The following ZNF197 variants were observed in gnomAD, a reference collection of about 807,000 sequenced individuals.
ZNF197 encodes the protein zinc finger protein 197.
ZNF197 carries 14 observed loss-of-function variants against 27.4 expected under a neutral mutation model. The observed-to-expected ratio is 0.51, with a 90% CI of 0.34 to 0.80. The LOEUF is 0.80. Ranked by LOEUF, ZNF197 falls within the 30% of genes least tolerant of loss-of-function variation. The probability of loss-of-function intolerance (pLI) is 0.02; values close to 1 mark genes in which losing one functional copy is unlikely to be tolerated. For synonymous variants in ZNF197, 415 were observed against 420.0 expected, an observed-to-expected ratio of 0.99 and a Z score of 0.15; for missense variants, 1,090 against 1,222.6, an observed-to-expected ratio of 0.89 and a Z score of 1.62.
Position 44,643,306 on chromosome 3 carries a change from A to G in ZNF197, c.2176A>G (p.Lys726Glu), listed in dbSNP as rs760076023. 9 of 1,613,738 alleles carry G rather than the reference A, an allele frequency of 5.6e-6. No individual in the cohort carries two copies. Among genetic ancestry groups the G allele is most frequent in the Non-Finnish European group, 7.6e-6 (9 of 1,179,956 alleles). ...IMSKSFMVHQ[K>E]LHTQEKAYKC... Reference sequence around the variant, plus strand: ...GAGCAAAAGTTTTATGGTCCATCAGAAACTCCATACACAAGAGAAAGCCTA... The same window carrying G: ...GAGCAAAAGTTTTATGGTCCATCAGGAACTCCATACACAAGAGAAAGCCTA... The change falls in exon 6 of 6, where the codon AAA becomes GAA. Residue 726 changes from lysine (K) to glutamate (E), a missense_variant. By Grantham distance (56) the Lys-to-Glu change is moderately conservative. Transcript: ENST00000344387.
chr3:44,631,939 G>A (rs753598077), intron 3 of ZNF197, among the ~76,000 whole-genome samples, 166 bp from the exon 4 acceptor site: 3 of 152,000 alleles, frequency 2.0e-5, no homozygotes, highest in African/African-American at 7.3e-5. Context: ...TTGACCTTGG[G>A]AGCCACCCAC....
intron 1 of ZNF197, among the ~76,000 whole-genome samples, chr3:44,627,946 G>GT (rs1406356681): frequency 4.6e-5 from 7 of 151,620 alleles, no homozygotes; most frequent in African/African-American, 1.7e-4. Flanking sequence ...TGGCTCCCCT[G>GT]TTTGTTATAA....
chr3:44,628,569 A>G (rs1008183803), intron 1 of ZNF197, among the ~76,000 whole-genome samples: 2 of 152,234 alleles, frequency 1.3e-5, no homozygotes, highest in Non-Finnish European at 2.9e-5. Context: ...ACTCTGCGGA[A>G]CATAGGAAAG....
intron 4 of ZNF197, 26 bp from the exon 5 acceptor site, chr3:44,632,447 A>C (rs759705540): frequency 6.4e-7 from 1 of 1,561,434 alleles, no homozygotes. Flanking sequence ...GGGCATTGGT[A>C]ATCTCACACA....
intron 1 of ZNF197, 137 bp downstream of exon 1, chr3:44,625,280 C>T (rs1701578865): frequency 1.3e-5 from 2 of 152,360 alleles, no homozygotes; most frequent in Non-Finnish European, 1.5e-5. Context: ...TCGCCAGCTT[C>T]GTGTTGGGGT....
Position 44,643,294 on chromosome 3 carries a change from A to G in ZNF197, c.2164A>G (p.Met722Val). The G allele has an allele frequency of 1.2e-6, 2 of 1,613,956 alleles. No homozygotes were observed. The highest frequency in any genetic ancestry group is 2.2e-5 in the South Asian group (2 of 91,014). ...AACCTTTATTATGAGCAAAAGTTTT[A>G]TGGTCCATCAGAAACTCCATACACA... Reference protein sequence around the residue: ...GKTFIMSKSFMVHQKLHTQEK... With the variant: ...GKTFIMSKSFVVHQKLHTQEK... The change falls in exon 6 of 6, where the codon ATG becomes GTG. Residue 722 changes from methionine to valine, a missense_variant. Coordinates refer to ENST00000344387, the MANE Select transcript of ZNF197 (RefSeq NM_006991.5).
Position 44,632,518 on chromosome 3 carries a change from G to A in ZNF197, c.688G>A (p.Glu230Lys). The A allele has an allele frequency of 3.1e-6, 5 of 1,609,774 alleles. No homozygotes were observed. The highest frequency in any genetic ancestry group is 3.4e-6 in the Non-Finnish European group (4 of 1,178,450). The change falls in exon 5 of 6, where the codon GAA (glutamate) becomes AAA (lysine). Residue 230 changes from glutamate (E) to lysine (K), a missense_variant. By Grantham distance (56) the Glu-to-Lys change is moderately conservative (BLOSUM62 1). Coordinates refer to ENST00000344387, the MANE Select transcript of ZNF197 (RefSeq NM_006991.5). ...GGTGTCAGTATGCTTCACTTCAGAG[G>A]AATGGGCATGTCTGGGCCCAATCCA... ...EEVSVCFTSE[E>K]WACLGPIQRA...
chr3:44,632,642 G>T, intron 5 of ZNF197, 43 bp downstream of exon 5: 1 of 1,411,514 alleles, frequency 7.1e-7, no homozygotes, highest in Non-Finnish European at 9.3e-7. Context: ...TATTTCACCA[G>T]CCTTTATTTG....
In ZNF197 at chr3:44,625,085, C is replaced by T. The variant is rs1701561862; in HGVS notation, c.-140C>T. ...GAAGGGCTCGTTCCTGTGTCATCTC[C>T]TAGCGGCCTGGCGCCGAGGCGGCGG... On this transcript the variant is annotated 5_prime_UTR_variant, in exon 1 of 6. Coordinates refer to ENST00000344387, the MANE Select transcript of ZNF197 (RefSeq NM_006991.5). 1.3e-5 allele frequency: 2 copies of T among 152,258 alleles called. No homozygotes were observed. The highest frequency in any genetic ancestry group is 4.8e-5 in the African/African-American group (2 of 41,474). 9.4% of individuals were successfully genotyped at this position (152,258 alleles called of 1,614,324 possible). A position where few individuals can be genotyped will look rare whatever the true frequency, so the allele number is the denominator to read the frequency against.
chr3:44,643,546 A>T lies in ZNF197; in HGVS notation c.2416A>T (p.Ile806Phe). 6.2e-7 allele frequency: 1 copy of T among 1,614,214 alleles called. No individual in the cohort carries two copies. Among genetic ancestry groups the T allele is most frequent in the South Asian group, 1.1e-5 (1 of 91,082 alleles). Reference protein sequence around the residue: ...GKCFILKKSLIGHQRIHTREK... With the variant: ...GKCFILKKSLFGHQRIHTREK... ...ATGCTTCATTCTGAAGAAAAGCCTC[A>T]TTGGACATCAGAGAATTCACACGAG... Residue 806 changes from isoleucine to phenylalanine, a missense_variant, in exon 6 of 6, where the codon ATT (isoleucine) becomes TTT (phenylalanine). Ile to Phe is a conservative substitution (Grantham distance 21, BLOSUM62 0). Coordinates refer to ENST00000344387, the MANE Select transcript of ZNF197 (RefSeq NM_006991.5).
chr3:44,632,070 G>C, intron 3 of ZNF197, 35 bp from the exon 4 acceptor site: 1 of 1,597,814 alleles, frequency 6.3e-7, no homozygotes, highest in Non-Finnish European at 8.6e-7. Context: ...GAAAAGGTTT[G>C]TAGGTCCCAT....
In ZNF197 at chr3:44,643,193, G is replaced by C; in HGVS notation, c.2063G>C (p.Gly688Ala). ...TGTAAAGATTGTGGTAAGGTCTTCG[G>C]TTCAAACAGAAACCTCATTGACCAT... ...YECKDCGKVF[G>A]SNRNLIDHER... Residue 688 changes from glycine (G) to alanine (A), a missense_variant, in exon 6 of 6, where the codon GGT (glycine) becomes GCT (alanine). By Grantham distance (60) the Gly-to-Ala change is moderately conservative. Coordinates refer to ENST00000344387, the MANE Select transcript of ZNF197 (RefSeq NM_006991.5). The C allele has an allele frequency of 6.2e-7, 1 of 1,613,344 alleles. No homozygotes were observed. Among genetic ancestry groups the C allele is most frequent in the South Asian group, 1.1e-5 (1 of 90,922 alleles).
In ZNF197 at chr3:44,644,001, C is replaced by T; in HGVS notation, c.2871C>T (p.Pro957=). The T allele has an allele frequency of 6.2e-7, 1 of 1,614,138 alleles. No homozygotes were observed. Among genetic ancestry groups the T allele is most frequent in the Non-Finnish European group, 8.5e-7 (1 of 1,180,026 alleles). ...AGAGAATTCACACAGGGGAGAAACCCTATGGGTGTAATGATTGTAGTAAAG... is the reference window on the plus strand; with the variant it reads ...AGAGAATTCACACAGGGGAGAAACCTTATGGGTGTAATGATTGTAGTAAAG... ...GHQRIHTGEK[P]YGCNDCSKVF... The change falls in exon 6 of 6, where the codon CCC becomes CCT. Residue 957 remains proline, a synonymous_variant. Transcript: ENST00000344387.
rs1254084028 is a variant in ZNF197 at position 44,632,124 on chromosome 3, T to C, written c.570T>C (p.Ala190=). 2 of 1,614,192 alleles carry C rather than the reference T, an allele frequency of 1.2e-6. No individual in the cohort carries two copies. The highest frequency in any genetic ancestry group is 2.2e-5 in the South Asian group (2 of 91,086). Residue 190 remains alanine (A), a synonymous_variant, in exon 4 of 6, where the codon GCT becomes GCC. Coordinates refer to ENST00000344387, the MANE Select transcript of ZNF197 (RefSeq NM_006991.5). The stretch of plus-strand genomic sequence containing the variant: ...CCTCAGATTCTCCTGCCCCTGAAGC[T>C]TCTGCCCTTTCCCAGGAAGAGAACC... The part of the protein sequence containing the change: ...DPQHDSPAPE[A]SALSQEENPR...
chr3:44,642,139 C>G lies in ZNF197; in HGVS notation c.1009C>G (p.Pro337Ala). The change falls in exon 6 of 6, where the codon CCA becomes GCA. Residue 337 changes from proline (P) to alanine (A), a missense_variant. Pro to Ala is a conservative substitution (Grantham distance 27, BLOSUM62 -1). Coordinates refer to ENST00000344387, the MANE Select transcript of ZNF197 (RefSeq NM_006991.5). ...CERDKKKRTPPEKQGQKWKEL... is the reference protein window; with the variant it reads ...CERDKKKRTPAEKQGQKWKEL... ...ACGAGACAAGAAGAAAAGGACTCCACCAGAGAAACAAGGCCAAAAGTGGAA... is the reference window on the plus strand; with the variant it reads ...ACGAGACAAGAAGAAAAGGACTCCAGCAGAGAAACAAGGCCAAAAGTGGAA... 1 of 1,614,028 alleles carries G rather than the reference C, an allele frequency of 6.2e-7. No individual in the cohort carries two copies. Among genetic ancestry groups the G allele is most frequent in the East Asian group, 2.2e-5 (1 of 44,872 alleles).
chr3:44,636,499 T>C (rs1271410223), intron 5 of ZNF197, among the ~76,000 whole-genome samples: 1 of 152,228 alleles, frequency 6.6e-6, no homozygotes, highest in African/African-American at 2.4e-5. Flanking sequence ...CATTTGTGAT[T>C]GGCTTCTTTT....
chr3:44,643,264 G>C lies in ZNF197; in HGVS notation c.2134G>C (p.Gly712Arg), dbSNP rs1702737845. The C allele has an allele frequency of 6.2e-7, 1 of 1,613,980 alleles. No individual in the cohort carries two copies. The highest frequency in any genetic ancestry group is 8.5e-7 in the Non-Finnish European group (1 of 1,180,040). The change falls in exon 6 of 6, where the codon GGG becomes CGG. Residue 712 changes from glycine (G) to arginine (R), a missense_variant. Gly to Arg is a moderately radical substitution (Grantham distance 125, BLOSUM62 -2). Coordinates refer to ENST00000344387, the MANE Select transcript of ZNF197 (RefSeq NM_006991.5). ...GEKPYECREC[G>R]KTFIMSKSFM... ...GAAGCCATATGAATGTCGAGAGTGT[G>C]GGAAAACCTTTATTATGAGCAAAAG...
intron 2 of ZNF197, chr3:44,630,844 G>A: frequency 2.9e-6 from 2 of 688,216 alleles, no homozygotes; most frequent in East Asian, 2.9e-5. Flanking sequence ...GTTGTGTACA[G>A]TCTCCTCTGG....
intron 4 of ZNF197, 39 bp from the exon 5 acceptor site, chr3:44,632,434 C>G (rs776433904): frequency 4.5e-6 from 7 of 1,554,228 alleles, no homozygotes; most frequent in Non-Finnish European, 5.2e-6. Flanking sequence ...CAGGCAAGTT[C>G]CTGGGCATTG....
Sources: allele counts gnomAD v4.1 joint callset (sites outside exome capture counted in the v4.1 genomes callset), GRCh38; gene constraint gnomAD v4.1.1; transcripts MANE v1.5; gene names NCBI Gene and HGNC (gene_info 2026-07-23, HGNC 2026-07-21).